Variants in PKD1L3 observed in about 807,000 individuals in gnomAD.
The protein encoded by PKD1L3 is polycystin-1-like protein 3.
In PKD1L3, 239 loss-of-function variants were observed where a neutral mutation model predicts 184.1. That is an observed-to-expected ratio of 1.30 (90% confidence interval 1.17 to 1.45). The LOEUF (loss-of-function observed/expected upper bound fraction) is 1.45, where lower values mean the gene tolerates loss of function less well. Among genes scored for constraint, PKD1L3 ranks in the 40% most tolerant of loss-of-function variants. The pLI is 0.00. For synonymous variants in PKD1L3, 996 were observed against 778.8 expected (o/e 1.28, Z -4.64); for missense variants, 2,660 against 2,067.2 (o/e 1.29, Z -5.56).
At chr16:71,946,938 G>A (rs1238402880) in intron 22 of PKD1L3, among the ~76,000 whole-genome samples, 3 of 150,094 alleles carry the variant, frequency 2.0e-5, no homozygotes, top group Non-Finnish European at 4.5e-5. Flanking sequence ...GAGAGAGAGA[G>A]GGAGAGAGAG....
intron 3 of PKD1L3, among the ~76,000 whole-genome samples, chr16:71,990,915 C>A (rs915413118): frequency 6.6e-6 from 1 of 152,154 alleles, no homozygotes; most frequent in African/African-American, 2.4e-5. Flanking sequence ...TTAATAAGAA[C>A]ATCCTTAATA....
At chr16:71,989,328 C>T (rs2040498367) in intron 4 of PKD1L3, among the ~76,000 whole-genome samples, 2 of 152,044 alleles carry the variant, frequency 1.3e-5, no homozygotes, top group Non-Finnish European at 2.9e-5. Flanking sequence ...AATTTTTATA[C>T]TTTTAGTAGA....
chr16:71,943,968 T>C, intron 23 of PKD1L3, 62 bp downstream of exon 23: 1 of 1,474,352 alleles, frequency 6.8e-7, no homozygotes, highest in Non-Finnish European at 9.1e-7. Flanking sequence ...TTATTCTCTC[T>C]CTTCCTTTCC....
At chr16:71,944,990 GA>G (rs892612725) in intron 22 of PKD1L3, among the ~76,000 whole-genome samples, 67 of 150,916 alleles carry the variant, frequency 4.4e-4, no homozygotes, top group Middle Eastern at 3.4e-3. Context: ...ATTAAAAAAA[GA>G]AAAAAATAAA....
intron 28 of PKD1L3, chr16:71,930,977 T>C (rs2037934226): frequency 6.6e-6 from 1 of 152,216 alleles, no homozygotes; most frequent in Non-Finnish European, 1.5e-5. Context: ...ATGATTATTA[T>C]AACAATTTCA....
intron 17 of PKD1L3, 107 bp downstream of exon 17, chr16:71,953,998 T>C: frequency 2.1e-6 from 2 of 963,954 alleles, no homozygotes; most frequent in Non-Finnish European, 2.9e-6. Context: ...GGAGGATCAC[T>C]TGAGGCCAGG....
At chr16:71,959,176 C>T (rs962116064) in intron 16 of PKD1L3, among the ~76,000 whole-genome samples, 1 of 151,534 alleles carries the variant, frequency 6.6e-6, no homozygotes, top group Non-Finnish European at 1.5e-5. Flanking sequence ...CTTTGGGAGG[C>T]CAAGGTGGGT....
intron 10 of PKD1L3, 92 bp from the exon 11 acceptor site, chr16:71,977,559 T>TTCCA: frequency 2.4e-5 from 17 of 701,002 alleles, no homozygotes; most frequent in Non-Finnish European, 3.4e-5. Flanking sequence ...ACGTCCTAGC[T>TTCCA]CTTTTTTTTT....
At chr16:71,951,184 C>T (rs941132617) in intron 19 of PKD1L3, among the ~76,000 whole-genome samples, 10 of 151,970 alleles carry the variant, frequency 6.6e-5, no homozygotes, top group African/African-American at 2.2e-4. Flanking sequence ...GGATTACAGG[C>T]GCCCGCCACT....
chr16:71,990,869 T>A (rs1226552321), intron 3 of PKD1L3, among the ~76,000 whole-genome samples: 1 of 151,230 alleles, frequency 6.6e-6, no homozygotes, highest in East Asian at 1.9e-4. Context: ...AACAACAAAA[T>A]CCAGAAAAAA....
At chr16:71,953,750 A>G (rs2038938650) in intron 17 of PKD1L3, among the ~76,000 whole-genome samples, 1 of 152,122 alleles carries the variant, frequency 6.6e-6, no homozygotes, top group South Asian at 2.1e-4. Context: ...AGCATGGGAG[A>G]AACTGCCCCC....
chr16:71,999,203 G>A (rs1027650839), intron 1 of PKD1L3, among the ~76,000 whole-genome samples: 17 of 151,504 alleles, frequency 1.1e-4, no homozygotes, highest in Middle Eastern at 3.4e-3. Context: ...CCCGGGAGGC[G>A]GAGCTTGCAG....
chr16:71,955,708 T>C (rs900031502), intron 16 of PKD1L3, among the ~76,000 whole-genome samples: 1 of 152,070 alleles, frequency 6.6e-6, no homozygotes, highest in Non-Finnish European at 1.5e-5. Context: ...CTCTCCTCTG[T>C]CATGGGAGGA....
In PKD1L3 at chr16:71,951,661, C is replaced by T; in HGVS notation, c.3093G>A (p.Trp1031Ter). 1.3e-6 allele frequency: 2 copies of T among 1,551,634 alleles called. No homozygotes were observed. The highest frequency in any genetic ancestry group is 1.7e-6 in the Non-Finnish European group (2 of 1,146,958). Residue 1031 changes from tryptophan to a stop codon, truncating the protein, a stop_gained, in exon 19 of 30, where the codon TGG (tryptophan) becomes TGA (stop). Transcript: ENST00000620267. LOFTEE classifies it high-confidence loss of function. ...SKCEQPPWSSWDITKLVKLLS... is the reference protein window; with the variant it reads ...SKCEQPPWSS ...AAAGTTTCACCAGCTTAGTAATGTCCCAAGAACTCCATGGCGGCTGCTCAC... is the reference window on the plus strand; with the variant it reads ...AAAGTTTCACCAGCTTAGTAATGTCTCAAGAACTCCATGGCGGCTGCTCAC...
chr16:71,946,822 G>A (rs1401449990), intron 22 of PKD1L3, among the ~76,000 whole-genome samples: 1 of 77,452 alleles, frequency 1.3e-5, no homozygotes, highest in Non-Finnish European at 2.7e-5. Context: ...AGGGGGAGGA[G>A]GAGGGAGAAG....
At chr16:71,959,249 A>T (rs1347456131) in intron 16 of PKD1L3, among the ~76,000 whole-genome samples, 1 of 152,050 alleles carries the variant, frequency 6.6e-6, no homozygotes, top group Non-Finnish European at 1.5e-5. Context: ...TGTCTCTACT[A>T]AAAATACAAA....
Position 71,967,440 on chromosome 16 carries a change from C to G in PKD1L3, c.2287-125G>C, listed in dbSNP as rs560653530. On this transcript the variant is annotated intron_variant, in intron 14 of 29. Coordinates refer to ENST00000620267, the MANE Select transcript of PKD1L3 (RefSeq NM_181536.2). The stretch of plus-strand genomic sequence containing the variant: ...TCAAGTCTTTCGGATCTTAGACAAG[C>G]ATAGATAATTCTTCATATATGCAGT... 70 of 969,608 alleles carry G rather than the reference C, an allele frequency of 7.2e-5. No individual in the cohort carries two copies. The South Asian group carries it at 1.1e-3, about 16-fold the overall frequency. The allele number at this position is 969,608 out of a possible 1,614,324, so 60.1% of individuals were successfully genotyped here.
chr16:71,978,505 A>G (rs62053846), intron 9 of PKD1L3, 122 bp from the exon 10 acceptor site: 88,942 of 160,864 alleles, frequency 0.55, 28,112 homozygotes, highest in African/African-American at 0.66. Flanking sequence ...GTATATATAT[A>G]TATATATATA....
chr16:71,983,660 T>TTTTTTTTTTTTTTTTG (rs2040246400), intron 6 of PKD1L3, among the ~76,000 whole-genome samples: 1 of 50,150 alleles, frequency 2.0e-5, no homozygotes, highest in Non-Finnish European at 4.1e-5. Flanking sequence ...CCAGATTCTC[T>TTTTTTTTTTTTTTTTG]TTCTTTTTTT....
Sources: gnomAD v4.1 joint callset for allele counts (sites outside exome capture counted in the v4.1 genomes callset) on GRCh38, gnomAD v4.1.1 for gene constraint, MANE v1.5 for transcripts, NCBI Gene and HGNC (gene_info 2026-07-23, HGNC 2026-07-21) for gene names.